COL5A1: variants seen among roughly 807,000 people sequenced by gnomAD.
COL5A1 encodes collagen type V alpha 1 chain, also known as collagen alpha-1(V) chain.
COL5A1 carries 16 observed loss-of-function variants against 263.7 expected under a neutral mutation model. That is an observed-to-expected ratio of 0.06 (90% CI 0.04 to 0.09). The LOEUF (loss-of-function observed/expected upper bound fraction) is 0.09. Ranked by LOEUF, COL5A1 falls within the 10% of genes least tolerant of loss-of-function variation. COL5A1 has a pLI of 1.00. For synonymous variants in COL5A1, 1,012 were observed against 1,004.5 expected (o/e 1.01, Z -0.14); for missense variants, 2,036 against 2,540.5 (o/e 0.80, Z 4.27).
intron 1 of COL5A1, among the ~76,000 whole-genome samples, chr9:134,673,572 G>A (rs1832604855): frequency 6.6e-6 from 1 of 151,994 alleles, no homozygotes; most frequent in Admixed American, 6.6e-5. Flanking sequence ...ATTAAGATGG[G>A]TCATGTATTT....
chr9:134,659,273 C>T (rs890705876), intron 1 of COL5A1, among the ~76,000 whole-genome samples: 1 of 152,174 alleles, frequency 6.6e-6, no homozygotes, highest in Non-Finnish European at 1.5e-5. Context: ...CCTGTAATCC[C>T]AGCTACTTGG....
At chr9:134,786,341 C>A (rs1016847226) in intron 31 of COL5A1, among the ~76,000 whole-genome samples, 1 of 152,228 alleles carries the variant, frequency 6.6e-6, no homozygotes, top group Non-Finnish European at 1.5e-5. Context: ...GTGTGTGACA[C>A]TGTGGCTCTC....
intron 20 of COL5A1, among the ~76,000 whole-genome samples, chr9:134,764,274 G>T (rs1329331258): frequency 7.5e-6 from 1 of 133,200 alleles, no homozygotes; most frequent in Non-Finnish European, 1.6e-5. Context: ...AGGGCATTGT[G>T]GGGGGTCAAG....
At chr9:134,810,460 A>G (rs985786264) in intron 44 of COL5A1, 152 bp downstream of exon 44, 2 of 712,980 alleles carry the variant, frequency 2.8e-6, no homozygotes, top group Non-Finnish European at 4.8e-6. Flanking sequence ...GTGTTCCCAC[A>G]ACGTGTGTGT....
intron 4 of COL5A1, among the ~76,000 whole-genome samples, chr9:134,725,476 G>A (rs1210241250): frequency 6.6e-6 from 1 of 152,158 alleles, no homozygotes; most frequent in Non-Finnish European, 1.5e-5. Flanking sequence ...AAGATCCTCT[G>A]CTTTGGAACA....
intron 18 of COL5A1, among the ~76,000 whole-genome samples, chr9:134,759,533 CCA>C (rs1258217859): frequency 1.1e-5 from 1 of 88,914 alleles, no homozygotes; most frequent in Non-Finnish European, 2.1e-5. Context: ...ACCACATACA[CCA>C]CACATGCGCA....
chr9:134,780,158 C>G lies in COL5A1; in HGVS notation c.2430+12C>G. ...CAAAGGGCGAGAAGGTAAGTCTCTC[C>G]TTGCAGCCACGGGGCCCCCTGCTTA... On this transcript the variant is annotated intron_variant, in intron 28 of 65. Transcript: ENST00000371817. 3.1e-6 allele frequency: 5 copies of G among 1,613,200 alleles called. No homozygotes were observed. Among genetic ancestry groups the G allele is most frequent in the Non-Finnish European group, 4.2e-6 (5 of 1,179,980 alleles).
At chr9:134,730,172 C>T in intron 6 of COL5A1, 64 bp from the exon 7 acceptor site, 1 of 1,602,300 alleles carries the variant, frequency 6.2e-7, no homozygotes, top group African/African-American at 1.3e-5. Context: ...TGCGGCAAGT[C>T]CCAGACCTGG....
chr9:134,829,926 A>G, intron 63 of COL5A1, 50 bp from the exon 64 acceptor site: 3 of 1,578,142 alleles, frequency 1.9e-6, no homozygotes, highest in Non-Finnish European at 1.7e-6. Flanking sequence ...CGGAGAAGTA[A>G]CCCTTTTGTT....
intron 5 of COL5A1, among the ~76,000 whole-genome samples, 190 bp from the exon 6 acceptor site, chr9:134,728,480 A>T (rs1834738662): frequency 6.6e-6 from 1 of 152,118 alleles, no homozygotes; most frequent in African/African-American, 2.4e-5. Flanking sequence ...TGTGCTTCTG[A>T]TGAGGCTGCG....
intron 30 of COL5A1, 63 bp from the exon 31 acceptor site, chr9:134,785,932 G>A: frequency 3.4e-6 from 5 of 1,489,882 alleles, no homozygotes; most frequent in Non-Finnish European, 4.7e-6. Flanking sequence ...CTTTCTCTCT[G>A]CTCCGGGGAA....
At chr9:134,750,684 G>C in intron 12 of COL5A1, 68 bp downstream of exon 12, 5 of 1,598,194 alleles carry the variant, frequency 3.1e-6, no homozygotes, top group Non-Finnish European at 4.3e-6. Context: ...CAGACCCTCT[G>C]AGGCTGCGCT....
chr9:134,731,410 A>G, intron 7 of COL5A1, 86 bp from the exon 8 acceptor site: 1 of 1,370,572 alleles, frequency 7.3e-7, no homozygotes, highest in Admixed American at 1.9e-5. Flanking sequence ...TTGACCGGAT[A>G]GCCACAGTGC....
At chr9:134,662,142 C>CAAAAAAAAAAA (rs34491867) in intron 1 of COL5A1, among the ~76,000 whole-genome samples, 1 of 121,242 alleles carries the variant, frequency 8.2e-6, no homozygotes. Flanking sequence ...ATATCTTGGC[C>CAAAAAAAAAAA]AAAAAAAAAA....
intron 65 of COL5A1, 61 bp downstream of exon 65, chr9:134,835,265 C>A: frequency 6.9e-7 from 1 of 1,459,548 alleles, no homozygotes. Context: ...TCGCTCCTCA[C>A]TCAGCACGGG....
At chr9:134,812,733 G>A in intron 48 of COL5A1, 21 bp downstream of exon 48, 1 of 1,505,476 alleles carries the variant, frequency 6.6e-7, no homozygotes, top group Non-Finnish European at 9.1e-7. Context: ...TGCCTGCTCT[G>A]GTGGCAGATT....
chr9:134,702,092 C>T (rs1283643745), intron 4 of COL5A1, among the ~76,000 whole-genome samples: 2 of 152,186 alleles, frequency 1.3e-5, no homozygotes, highest in African/African-American at 2.4e-5. Context: ...GGTGCTGGGG[C>T]GACAGCCTGC....
Position 134,774,892 on chromosome 9 carries a change from C to T in COL5A1, c.2365C>T (p.Pro789Ser). The change falls in exon 27 of 66, where the codon CCA (proline) becomes TCA (serine). Residue 789 changes from proline (P) to serine (S), a missense_variant. Pro to Ser is a moderately conservative substitution (Grantham distance 74, BLOSUM62 -1). Around this residue, in one of 3 missense-constraint regions of COL5A1, gnomAD observed 1,078 missense variants for 1,521.4 expected, o/e 0.71. Coordinates refer to ENST00000371817, the MANE Select transcript of COL5A1 (RefSeq NM_000093.5). ...PPGPQGPIGYPGPRGVKGADG... is the reference protein window; with the variant it reads ...PPGPQGPIGYSGPRGVKGADG... ...TGGCCCCCAGGGTCCGATTGGCTAC[C>T]CAGGTCCTCGAGGAGTCAAGGTGAG... 2 of 1,613,840 alleles carry T rather than the reference C, an allele frequency of 1.2e-6. No individual in the cohort carries two copies. Among genetic ancestry groups the T allele is most frequent in the South Asian group, 1.1e-5 (1 of 90,960 alleles).
At chr9:134,735,121 G>A (rs139878361) in intron 9 of COL5A1, among the ~76,000 whole-genome samples, 144 of 151,956 alleles carry the variant, frequency 9.5e-4, no homozygotes, top group African/African-American at 3.3e-3. Flanking sequence ...GCTGAGGCAG[G>A]AGAATCAGTT....
Sources: gnomAD v4.1 joint callset for allele counts (sites outside exome capture counted in the v4.1 genomes callset) on GRCh38, gnomAD v4.1.1 for gene constraint, gnomAD v4.1.1 regional missense constraint, MANE v1.5 for transcripts, NCBI Gene and HGNC (gene_info 2026-07-23, HGNC 2026-07-21) for gene names.